SKAP1: variants seen among roughly 807,000 people sequenced by gnomAD.
The protein encoded by SKAP1 is src kinase-associated phosphoprotein 1.
A neutral mutation model predicts 58.5 loss-of-function variants in SKAP1; 44 were observed. The ratio of observed to expected loss-of-function variants is 0.75; its 90% CI spans 0.59 to 0.97. The LOEUF is 0.97. Among genes scored for constraint, SKAP1 ranks in the 50% least tolerant of loss-of-function variants. The pLI is 0.00. For synonymous variants in SKAP1, 127 were observed against 149.7 expected (o/e 0.85, Z 1.11); for missense variants, 390 against 435.2 (o/e 0.90, Z 0.92).
intron 2 of SKAP1, among the ~76,000 whole-genome samples, chr17:48,370,267 C>T (rs1251933031): frequency 2.0e-5 from 3 of 152,034 alleles, no homozygotes; most frequent in Non-Finnish European, 4.4e-5. Flanking sequence ...CAGAGAAATG[C>T]AAATCAAAAC....
intron 4 of SKAP1, among the ~76,000 whole-genome samples, chr17:48,335,412 G>A (rs887531124): frequency 1.3e-5 from 2 of 152,000 alleles, no homozygotes; most frequent in African/African-American, 4.8e-5. Context: ...TTTCAAGGCA[G>A]AAGGGTTACT....
chr17:48,355,652 C>T (rs973359200), intron 3 of SKAP1, among the ~76,000 whole-genome samples: 12 of 152,102 alleles, frequency 7.9e-5, no homozygotes, highest in African/African-American at 2.9e-4. Flanking sequence ...CATGGCAAAA[C>T]CCCATCTCTA....
At chr17:48,324,410 C>G (rs954663988) in intron 4 of SKAP1, among the ~76,000 whole-genome samples, 1 of 151,942 alleles carries the variant, frequency 6.6e-6, no homozygotes, top group African/African-American at 2.4e-5. Context: ...TATTTCCAAG[C>G]TTTCTGAAAA....
chr17:48,168,651 C>T (rs750881280), intron 10 of SKAP1, among the ~76,000 whole-genome samples: 2 of 152,098 alleles, frequency 1.3e-5, no homozygotes, highest in Non-Finnish European at 2.9e-5. Flanking sequence ...AGCGAGACTT[C>T]ATCTCAAAAA....
intron 1 of SKAP1, among the ~76,000 whole-genome samples, chr17:48,397,487 A>T (rs1324998778): frequency 1.2e-4 from 19 of 152,166 alleles, no homozygotes; most frequent in Admixed American, 1.2e-3. Flanking sequence ...CGGCCTCCCC[A>T]ACTGCTGGGA....
intron 4 of SKAP1, among the ~76,000 whole-genome samples, chr17:48,223,532 G>A (rs990529523): frequency 2.6e-5 from 4 of 152,122 alleles, no homozygotes; most frequent in African/African-American, 9.7e-5. Context: ...TCTGTGAACT[G>A]CTGAAAACTG....
intron 4 of SKAP1, among the ~76,000 whole-genome samples, chr17:48,326,608 C>T (rs1217797862): frequency 6.6e-6 from 1 of 152,104 alleles, no homozygotes; most frequent in Non-Finnish European, 1.5e-5. Context: ...TAAGTGCTTT[C>T]CTTTTATGTT....
intron 2 of SKAP1, among the ~76,000 whole-genome samples, chr17:48,373,922 A>T (rs1400464584): frequency 6.6e-6 from 1 of 152,184 alleles, no homozygotes. Flanking sequence ...GTGTTATTTT[A>T]CCTGTGACTT....
chr17:48,172,511 T>C (rs2064230845), intron 9 of SKAP1, among the ~76,000 whole-genome samples: 1 of 152,234 alleles, frequency 6.6e-6, no homozygotes, highest in Admixed American at 6.5e-5. Context: ...ATACACTCGT[T>C]ATTCTTTTCA....
At position 48,184,726 on chromosome 17, in the gene SKAP1, A is replaced by C. The variant is rs1260084715; in HGVS notation, c.564T>G (p.Tyr188Ter). Residue 188 changes from tyrosine to a stop codon, truncating the protein, a stop_gained, in exon 7 of 13, where the codon TAT becomes TAG. Coordinates refer to ENST00000336915, the MANE Select transcript of SKAP1 (RefSeq NM_003726.4). LOFTEE classifies it high-confidence loss of function. ...FELTSQDRRS[Y>*]EFTATSPAEA... ...CCATCTCCTTGATGCGTCCTACCTC[A>C]TAGCTGCGCCTATCCTGGGAGGTCA... 3 of 1,613,906 alleles carry C rather than the reference A, an allele frequency of 1.9e-6. No homozygotes were observed. Among genetic ancestry groups the C allele is most frequent in the African/African-American group, 1.3e-5 (1 of 74,908 alleles).
chr17:48,239,664 C>A (rs542346986), intron 4 of SKAP1, among the ~76,000 whole-genome samples: 57 of 152,258 alleles, frequency 3.7e-4, no homozygotes, highest in African/African-American at 1.3e-3. Flanking sequence ...TTGGTCCATA[C>A]AAATAATCCC....
At chr17:48,203,785 T>G (rs2064759479) in intron 4 of SKAP1, 1 of 152,214 alleles carries the variant, frequency 6.6e-6, no homozygotes, top group Non-Finnish European at 1.5e-5. Flanking sequence ...CTAAAGTGTC[T>G]TTTTGAAAAG....
chr17:48,187,880 G>T lies in SKAP1; in HGVS notation c.405C>A (p.Val135=). 1 of 1,613,902 alleles carries T rather than the reference G, an allele frequency of 6.2e-7. No individual in the cohort carries two copies. Among genetic ancestry groups the T allele is most frequent in the South Asian group, 1.1e-5 (1 of 91,060 alleles). ...CATAGTAGTAGAAGAGACCTCTGCT[G>T]ACAACACACCATCGCTTCTGCCACT... ...GSEWQKRWCV[V]SRGLFYYYAN... is the part of the protein sequence containing the mutation. The change falls in exon 6 of 13, where the codon GTC becomes GTA. Residue 135 remains valine (V), a synonymous_variant. Transcript: ENST00000336915.
At chr17:48,302,437 A>G (rs549872423) in intron 4 of SKAP1, among the ~76,000 whole-genome samples, 1 of 152,306 alleles carries the variant, frequency 6.6e-6, no homozygotes, top group South Asian at 2.1e-4. Context: ...TTATATTGCT[A>G]TGGAATTTCA....
At chr17:48,263,273 G>A (rs2065503707) in intron 4 of SKAP1, among the ~76,000 whole-genome samples, 1 of 152,134 alleles carries the variant, frequency 6.6e-6, no homozygotes, top group African/African-American at 2.4e-5. Context: ...CAGATTTATG[G>A]ATTATGGATT....
In SKAP1 at chr17:48,325,996, T is replaced by G. The variant is rs2066432069; in HGVS notation, c.280+19909A>C. On this transcript the variant is annotated intron_variant, in intron 4 of 12. Transcript: ENST00000336915. ...TTAATTCACACAAACACACTTTGTA[T>G]TGTCAAAAATGTACACACACATCAT... 2.0e-5 allele frequency among the ~76,000 whole-genome samples: 3 copies of G among 152,228 alleles called. No individual in the cohort carries two copies. In the South Asian group the frequency reaches 6.2e-4, roughly 32 times the overall value.
intron 2 of SKAP1, among the ~76,000 whole-genome samples, chr17:48,375,344 C>G (rs1253944516): frequency 1.3e-5 from 2 of 152,090 alleles, no homozygotes; most frequent in Admixed American, 1.3e-4. Context: ...ATTTTTAAGT[C>G]CATTCCTGGA....
chr17:48,324,462 G>A (rs961953968), intron 4 of SKAP1, among the ~76,000 whole-genome samples: 1 of 151,994 alleles, frequency 6.6e-6, no homozygotes, highest in Non-Finnish European at 1.5e-5. Flanking sequence ...AATTATACAT[G>A]TTTTGGTGAA....
intron 5 of SKAP1, among the ~76,000 whole-genome samples, chr17:48,188,343 G>C (rs1288830541): frequency 1.3e-5 from 2 of 152,192 alleles, no homozygotes; most frequent in African/African-American, 2.4e-5. Flanking sequence ...TTAAACCTGA[G>C]ATGCCAACTC....
Sources: allele counts gnomAD v4.1 joint callset (sites outside exome capture counted in the v4.1 genomes callset), GRCh38; gene constraint gnomAD v4.1.1; transcripts MANE v1.5; gene names NCBI Gene and HGNC (gene_info 2026-07-23, HGNC 2026-07-21).